The following TRAPPC9 variants were observed in gnomAD, a reference collection of about 807,000 sequenced individuals.
TRAPPC9 encodes IKK2 binding protein.
Under a neutral mutation model 124.0 loss-of-function variants are expected in TRAPPC9, and 83 were observed. The observed-to-expected ratio is 0.67, with a 90% confidence interval of 0.56 to 0.80. The LOEUF (loss-of-function observed/expected upper bound fraction) is 0.80. TRAPPC9 is among the 30% of genes least tolerant of loss of function. TRAPPC9 has a pLI of 0.00. For missense variants in TRAPPC9, 1,302 were observed against 1,508.3 expected (o/e 0.86, Z 2.27); for synonymous variants, 638 against 617.5 (o/e 1.03, Z -0.49).
At chr8:140,238,892 C>T (rs1352705498) in intron 16 of TRAPPC9, among the ~76,000 whole-genome samples, 2 of 152,170 alleles carry the variant, frequency 1.3e-5, no homozygotes, top group East Asian at 1.9e-4. Context: ...GTGCTGACGC[C>T]GGGGCTCCAG....
intron 9 of TRAPPC9, among the ~76,000 whole-genome samples, chr8:140,355,710 C>A (rs2067720918): frequency 6.6e-6 from 1 of 152,200 alleles, no homozygotes; most frequent in Non-Finnish European, 1.5e-5. Context: ...GGGAGACAAG[C>A]AGTCTAATGG....
chr8:139,996,822 C>T (rs899464256), intron 18 of TRAPPC9, among the ~76,000 whole-genome samples: 1 of 152,166 alleles, frequency 6.6e-6, no homozygotes, highest in Non-Finnish European at 1.5e-5. Context: ...TCATTGCAAC[C>T]TCTGCCTCCC....
chr8:139,784,071 C>T lies in TRAPPC9; in HGVS notation c.3056-51869G>A, dbSNP rs138673594. Among the ~76,000 whole-genome samples, 1,398 of 152,326 alleles carry T rather than the reference C, an allele frequency of 9.2e-3. 21 individuals carry two copies. The highest frequency in any genetic ancestry group is 0.032 in the African/African-American group (1,319 of 41,586). ...AGGGTAAAAGACCCCATGCTTTCCC[C>T]TTCAGATCAGAAAATTTCTTATTCT... On this transcript the variant is annotated intron_variant, in intron 21 of 22. Coordinates refer to ENST00000438773, the MANE Select transcript of TRAPPC9 (RefSeq NM_001160372.4).
chr8:140,003,129 T>C (rs1187717765), intron 18 of TRAPPC9, among the ~76,000 whole-genome samples: 1 of 152,098 alleles, frequency 6.6e-6, no homozygotes, highest in African/African-American at 2.4e-5. Flanking sequence ...GTATCTATAA[T>C]ATATTTTAAA....
Position 140,386,740 on chromosome 8 carries a change from C to T in TRAPPC9, c.1134+10880G>A, listed in dbSNP as rs548871036. ...CAATATCGTGAAAATGGCCATACTG[C>T]CCAAGGTAATTTATAGATTCAATGC... is the stretch of plus-strand genomic sequence containing the variant. On this transcript the variant is annotated intron_variant, in intron 7 of 22. Coordinates refer to ENST00000438773, the MANE Select transcript of TRAPPC9 (RefSeq NM_001160372.4). Among the ~76,000 whole-genome samples, 5 of 152,228 alleles carry T rather than the reference C, an allele frequency of 3.3e-5. 1 individual carries two copies. The South Asian group carries it at 1.0e-3, about 32-fold the overall frequency.
intron 17 of TRAPPC9, among the ~76,000 whole-genome samples, chr8:140,172,663 T>C (rs936595208): frequency 1.1e-4 from 17 of 152,142 alleles, no homozygotes; most frequent in African/African-American, 3.9e-4. Flanking sequence ...TTCCTGACAC[T>C]CAGAAATGCC....
At position 140,181,836 on chromosome 8, in the gene TRAPPC9, T is replaced by C. The variant is rs1192684881; in HGVS notation, c.2556+39623A>G. ...GCTGTACACTCGTGCTCCACAGAAATTACTTCTTATGGGAAGTCCATGTCT... is the reference window on the plus strand; with the variant it reads ...GCTGTACACTCGTGCTCCACAGAAACTACTTCTTATGGGAAGTCCATGTCT... On this transcript the variant is annotated intron_variant, in intron 17 of 22. Coordinates refer to ENST00000438773, the MANE Select transcript of TRAPPC9 (RefSeq NM_001160372.4). Among the ~76,000 whole-genome samples, 7 of 152,162 alleles carry C rather than the reference T, an allele frequency of 4.6e-5. No individual in the cohort carries two copies. In the South Asian group the frequency reaches 8.3e-4, roughly 18 times the overall value.
chr8:140,336,019 T>C (rs540463945), intron 9 of TRAPPC9, among the ~76,000 whole-genome samples: 2 of 152,290 alleles, frequency 1.3e-5, no homozygotes, highest in East Asian at 3.9e-4. Flanking sequence ...ACAATATTTT[T>C]TAACTTTATA....
At chr8:140,384,234 T>C (rs2068692840) in intron 7 of TRAPPC9, among the ~76,000 whole-genome samples, 2 of 150,878 alleles carry the variant, frequency 1.3e-5, no homozygotes, top group South Asian at 4.2e-4. Context: ...CCACCGAGAC[T>C]AGGAAGAAAC....
chr8:139,735,376 G>A (rs530182543), intron 21 of TRAPPC9, among the ~76,000 whole-genome samples: 19 of 152,254 alleles, frequency 1.2e-4, no homozygotes, highest in Middle Eastern at 3.4e-3. Flanking sequence ...AGCGGCTTTC[G>A]TCTCCAGCCT....
At chr8:140,347,361 G>A (rs992459210) in intron 9 of TRAPPC9, among the ~76,000 whole-genome samples, 5 of 152,198 alleles carry the variant, frequency 3.3e-5, no homozygotes, top group African/African-American at 4.8e-5. Flanking sequence ...CCCACAGCAC[G>A]TAGCCCAATC....
At chr8:140,131,752 A>G (rs1393466707) in intron 17 of TRAPPC9, among the ~76,000 whole-genome samples, 1 of 152,228 alleles carries the variant, frequency 6.6e-6, no homozygotes, top group African/African-American at 2.4e-5. Context: ...CCATCCAGAC[A>G]ATCCAGGGCT....
At chr8:139,962,234 A>G (rs1835402168) in intron 19 of TRAPPC9, among the ~76,000 whole-genome samples, 1 of 124,522 alleles carries the variant, frequency 8.0e-6, no homozygotes, top group African/African-American at 2.6e-5. Context: ...CAAAGGCACC[A>G]CTGGCCGCAG....
intron 9 of TRAPPC9, among the ~76,000 whole-genome samples, chr8:140,354,412 T>C (rs2067678430): frequency 6.6e-6 from 1 of 152,174 alleles, no homozygotes; most frequent in African/African-American, 2.4e-5. Context: ...ATCATCAGGG[T>C]AGTACATCAT....
At chr8:140,386,484 C>T (rs2068758159) in intron 7 of TRAPPC9, among the ~76,000 whole-genome samples, 1 of 152,116 alleles carries the variant, frequency 6.6e-6, no homozygotes, top group African/African-American at 2.4e-5. Flanking sequence ...GATAGAAAAT[C>T]AATGTGCAAA....
chr8:140,289,441 A>G (rs550805131), intron 12 of TRAPPC9, among the ~76,000 whole-genome samples: 40 of 152,290 alleles, frequency 2.6e-4, no homozygotes, highest in African/African-American at 9.4e-4. Context: ...GAAAATAGCT[A>G]AAGCAATATG....
intron 16 of TRAPPC9, among the ~76,000 whole-genome samples, chr8:140,239,298 A>G (rs2063803702): frequency 6.6e-6 from 1 of 152,166 alleles, no homozygotes; most frequent in Non-Finnish European, 1.5e-5. Context: ...GGACGTCTGG[A>G]GAGACCGAGC....
At position 139,876,516 on chromosome 8, in the gene TRAPPC9, C is replaced by T. The variant is rs141451950; in HGVS notation, c.3055+9363G>A. 2.4e-3 allele frequency among the ~76,000 whole-genome samples: 365 copies of T among 152,342 alleles called. 1 individual carries two copies. Among genetic ancestry groups the T allele is most frequent in the South Asian group, 0.018 (85 of 4,826 alleles). ...CACAAGCTCTGAGGCCAGCAAATAC[C>T]AGGATCTGTGTAAACAACCTGCTGA... On this transcript the variant is annotated intron_variant, in intron 21 of 22. Coordinates refer to ENST00000438773, the MANE Select transcript of TRAPPC9 (RefSeq NM_001160372.4).
chr8:140,247,869 T>C (rs2064025606), intron 16 of TRAPPC9, among the ~76,000 whole-genome samples: 1 of 152,230 alleles, frequency 6.6e-6, no homozygotes, highest in Admixed American at 6.5e-5. Context: ...CTATTACAAA[T>C]TCTTTCCTGA....
Sources: allele counts gnomAD v4.1 joint callset (sites outside exome capture counted in the v4.1 genomes callset), GRCh38; gene constraint gnomAD v4.1.1; transcripts MANE v1.5; gene names NCBI Gene and HGNC (gene_info 2026-07-23, HGNC 2026-07-21).